The following SACS variants were observed in gnomAD, a reference collection of about 807,000 sequenced individuals.
The protein encoded by SACS is sacsin molecular chaperone.
SACS carries 197 observed loss-of-function variants against 348.0 expected under a neutral mutation model. The observed-to-expected ratio is 0.57, with a 90% CI of 0.50 to 0.64. The LOEUF is 0.64. Among genes scored for constraint, SACS ranks in the 30% least tolerant of loss-of-function variants. The pLI, the probability that SACS is intolerant of heterozygous loss-of-function variation, is 0.00. For missense variants in SACS, 4,999 were observed against 5,360.8 expected (o/e 0.93, Z 2.11); for synonymous variants, 1,985 against 1,910.6 (o/e 1.04, Z -1.02).
At chr13:23,360,921 AT>A (rs1870693808) in intron 6 of SACS, among the ~76,000 whole-genome samples, 1 of 152,092 alleles carries the variant, frequency 6.6e-6, no homozygotes, top group Admixed American at 6.5e-5. Flanking sequence ...CACCCAGCTA[AT>A]TTTTGTATTT....
intron 1 of SACS, among the ~76,000 whole-genome samples, chr13:23,432,294 A>G (rs1196894631): frequency 1.3e-5 from 2 of 152,256 alleles, no homozygotes; most frequent in Non-Finnish European, 2.9e-5. Context: ...TTATAAACCA[A>G]GTAAGATTAA....
intron 2 of SACS, among the ~76,000 whole-genome samples, chr13:23,395,009 G>A (rs1246704992): frequency 6.6e-6 from 1 of 152,192 alleles, no homozygotes; most frequent in African/African-American, 2.4e-5. Context: ...TCCTAAGCCA[G>A]TGCTCCAGGT....
intron 1 of SACS, among the ~76,000 whole-genome samples, chr13:23,429,920 T>A (rs1394722291): frequency 6.6e-6 from 1 of 152,080 alleles, no homozygotes; most frequent in Non-Finnish European, 1.5e-5. Flanking sequence ...AGCATAAACA[T>A]TTAATATAAT....
intron 9 of SACS, among the ~76,000 whole-genome samples, chr13:23,352,717 A>C (rs1027553191): frequency 3.3e-5 from 5 of 152,224 alleles, no homozygotes; most frequent in Non-Finnish European, 7.3e-5. Context: ...ACTTTCAAAA[A>C]GGTTGTTTTG....
At position 23,337,936 on chromosome 13, in the gene SACS, AGAG is replaced by A. The variant is rs1555251980; in HGVS notation, c.5937_5939del (p.Ser1980del). 4 of 1,614,042 alleles carry A rather than the reference AGAG, an allele frequency of 2.5e-6. No individual in the cohort carries two copies. The highest frequency in any genetic ancestry group is 2.5e-6 in the Non-Finnish European group (3 of 1,179,960). On this transcript the variant is annotated inframe_deletion, in exon 10 of 10. Transcript: ENST00000382292. ...TCATGGAAACCCAAGTAGATCCATC[AGAG>A]AAGACTTTGGTCAGTTCTTTCCCTT...
chr13:23,412,406 C>A (rs1324304367), intron 1 of SACS, among the ~76,000 whole-genome samples: 1 of 125,400 alleles, frequency 8.0e-6, no homozygotes, highest in Non-Finnish European at 1.6e-5. Flanking sequence ...AAATCCAAAC[C>A]CTTTTTTTTT....
At chr13:23,342,066 C>T (rs1161406034) in intron 9 of SACS, among the ~76,000 whole-genome samples, 2 of 152,046 alleles carry the variant, frequency 1.3e-5, no homozygotes, top group African/African-American at 4.8e-5. Context: ...GGATTACAGG[C>T]ATGAGCCACC....
intron 2 of SACS, among the ~76,000 whole-genome samples, chr13:23,387,463 G>GAAAAAA: frequency 1.1e-5 from 1 of 91,366 alleles, no homozygotes; most frequent in Non-Finnish European, 2.0e-5. Context: ...CTCCGTCTCA[G>GAAAAAA]AAAAAAAAAA....
At position 23,409,155 on chromosome 13, in the gene SACS, C is replaced by G. The variant is rs570809479; in HGVS notation, c.20+2065G>C. Among the ~76,000 whole-genome samples, 5 of 138,418 alleles carry G rather than the reference C, an allele frequency of 3.6e-5. No individual in the cohort carries two copies. The East Asian group carries it at 6.8e-4, about 19-fold the overall frequency. The allele number at this position is 138,418 out of a possible 152,430, so 90.8% of individuals were successfully genotyped here. On this transcript the variant is annotated intron_variant, in intron 2 of 9. Transcript: ENST00000382292. Reference sequence around the variant, plus strand: ...GATTGCAAGCTCCGCCTCCCAGCTTCACACCATTCTCCTGCCTCAGCCTCC... The same window carrying G: ...GATTGCAAGCTCCGCCTCCCAGCTTGACACCATTCTCCTGCCTCAGCCTCC...
Position 23,337,737 on chromosome 13 carries a change from G to T in SACS, c.6139C>A (p.Leu2047Ile). Residue 2047 changes from leucine (L) to isoleucine (I), a missense_variant, in exon 10 of 10, where the codon CTT becomes ATT. Leu to Ile is a conservative substitution (Grantham distance 5). This residue lies in a region of SACS where 3,156 missense variants were observed against 3,380.1 expected (regional missense o/e 0.93). Transcript: ENST00000382292. ...TGTTTCTCTGAAAATGTGTTTTCAA[G>T]TAGTATCTGTTTGCAGCCAGCTTCT... ...FEEAGCKQIL[L>I]ENTFSEKQFF... 6.2e-7 allele frequency: 1 copy of T among 1,613,746 alleles called. No individual in the cohort carries two copies. The highest frequency in any genetic ancestry group is 8.5e-7 in the Non-Finnish European group (1 of 1,179,932).
chr13:23,336,055 A>G lies in SACS; in HGVS notation c.7821T>C (p.Leu2607=), dbSNP rs1593127020. The change falls in exon 10 of 10, where the codon CTT becomes CTC. Residue 2607 remains leucine, a synonymous_variant. Coordinates refer to ENST00000382292, the MANE Select transcript of SACS (RefSeq NM_014363.6). The part of the protein sequence containing the change: ...TEDDVRGIQN[L]GKGTKEGNPY... ...GATTTCCCTCTTTCGTGCCTTTTCC[A>G]AGATTCTGAATTCCTCTAACATCAT... The G allele has an allele frequency of 1.2e-6, 2 of 1,612,044 alleles. No individual in the cohort carries two copies. The highest frequency in any genetic ancestry group is 1.3e-5 in the African/African-American group (1 of 74,854).
chr13:23,424,251 C>T (rs368187448), intron 1 of SACS, among the ~76,000 whole-genome samples: 11 of 152,302 alleles, frequency 7.2e-5, no homozygotes, highest in African/African-American at 2.6e-4. Flanking sequence ...TCAGGCCGGG[C>T]ATGGTGGCTC....
rs886050077 is a variant in SACS at position 23,333,160 on chromosome 13, G to C, written c.10716C>G (p.Pro3572=). 1.4e-5 allele frequency: 22 copies of C among 1,610,788 alleles called. No homozygotes were observed. The highest frequency in any genetic ancestry group is 1.8e-5 in the Non-Finnish European group (21 of 1,178,802). ...FFKKLEQLIK[P]KNHVTFMTSW... Reference sequence around the variant, plus strand: ...ATGTCATAAATGTAACATGATTTTTGGGTTTTATAAGTTGTTCCAATTTCT... The same window carrying C: ...ATGTCATAAATGTAACATGATTTTTCGGTTTTATAAGTTGTTCCAATTTCT... The change falls in exon 10 of 10, where the codon CCC becomes CCG. Residue 3572 remains proline (P), a synonymous_variant. Transcript: ENST00000382292.
At chr13:23,393,744 TG>T (rs982673048) in intron 2 of SACS, among the ~76,000 whole-genome samples, 6 of 152,118 alleles carry the variant, frequency 3.9e-5, no homozygotes, top group Admixed American at 3.9e-4. Flanking sequence ...TCAGTATTCT[TG>T]GTATTCTTTT....
At chr13:23,394,919 C>T (rs901019378) in intron 2 of SACS, among the ~76,000 whole-genome samples, 13 of 152,228 alleles carry the variant, frequency 8.5e-5, no homozygotes, top group East Asian at 7.7e-4. Context: ...ATCCTTGGAC[C>T]TCTCATACCC....
At chr13:23,430,366 T>A (rs142201282) in intron 1 of SACS, among the ~76,000 whole-genome samples, 7 of 152,336 alleles carry the variant, frequency 4.6e-5, no homozygotes, top group African/African-American at 1.7e-4. Flanking sequence ...AAGCTCTGTT[T>A]ATATCATATT....
intron 2 of SACS, among the ~76,000 whole-genome samples, chr13:23,397,300 C>A (rs1303915401): frequency 1.3e-5 from 2 of 152,148 alleles, no homozygotes; most frequent in African/African-American, 4.8e-5. Flanking sequence ...AGTAAAATGA[C>A]TGGTTGTTCC....
Position 23,331,319 on chromosome 13 carries a change from A to G in SACS, c.12557T>C (p.Val4186Ala). 2 of 1,614,016 alleles carry G rather than the reference A, an allele frequency of 1.2e-6. No homozygotes were observed. Among genetic ancestry groups the G allele is most frequent in the Non-Finnish European group, 1.7e-6 (2 of 1,179,960 alleles). ...FYPGEYVGYLVDAEGGDIYGS... is the reference protein window; with the variant it reads ...FYPGEYVGYLADAEGGDIYGS... The stretch of plus-strand genomic sequence containing the variant: ...ATAGATATCACCACCTTCAGCATCA[A>G]CAAGGTACCCAACATATTCTCCCGG... The change falls in exon 10 of 10, where the codon GTT becomes GCT. Residue 4186 changes from valine to alanine, a missense_variant. Physicochemically the swap from Val to Ala is moderately conservative, Grantham distance 64 (BLOSUM62 0). Transcript: ENST00000382292.
chr13:23,377,764 G>A (rs1017631130), intron 2 of SACS, among the ~76,000 whole-genome samples: 3 of 152,132 alleles, frequency 2.0e-5, no homozygotes, highest in South Asian at 2.1e-4. Flanking sequence ...CGAGACTCCC[G>A]TCCAACGCCT....
Sources: allele counts gnomAD v4.1 joint callset (sites outside exome capture counted in the v4.1 genomes callset), GRCh38; gene constraint gnomAD v4.1.1; regional missense constraint gnomAD v4.1.1; transcripts MANE v1.5; gene names NCBI Gene and HGNC (gene_info 2026-07-23, HGNC 2026-07-21).